PAX7: variants seen among roughly 807,000 people sequenced by gnomAD.
PAX7 encodes the protein paired box protein Pax-7.
Under a neutral mutation model 50.7 loss-of-function variants are expected in PAX7, and 18 were observed. The ratio of observed to expected loss-of-function variants is 0.36; its 90% CI spans 0.25 to 0.53. The LOEUF is 0.53. PAX7 is among the 20% of genes least tolerant of loss of function. PAX7 has a pLI of 0.93. For missense variants in PAX7, 644 were observed against 702.9 expected (o/e 0.92, Z 0.95); for synonymous variants, 310 against 290.4 (o/e 1.07, Z -0.69).
chr1:18,683,262 A>G (rs1167164279), intron 4 of PAX7, among the ~76,000 whole-genome samples: 1 of 152,202 alleles, frequency 6.6e-6, no homozygotes, highest in Non-Finnish European at 1.5e-5. Flanking sequence ...TGTCTCAGCA[A>G]TGAGAATGCA....
chr1:18,647,296 C>A (rs1355102215), intron 4 of PAX7, among the ~76,000 whole-genome samples: 2 of 152,110 alleles, frequency 1.3e-5, no homozygotes, highest in African/African-American at 2.4e-5. Flanking sequence ...AAAGTTGCAG[C>A]CGTTGGACAG....
At chr1:18,718,614 T>G (rs148429899) in intron 7 of PAX7, among the ~76,000 whole-genome samples, 138 of 150,686 alleles carry the variant, frequency 9.2e-4, no homozygotes, top group African/African-American at 3.2e-3. Flanking sequence ...GGGGTCCCTG[T>G]GCACCCCAAT....
Position 18,634,281 on chromosome 1 carries a change from G to A in PAX7, c.86-22G>A, listed in dbSNP as rs1413657824. ...CCTCACCCTGCACCTCTCTCCTTCT[G>A]CATCTCCCCTCCCTTCTCCAGTGTC... On this transcript the variant is annotated intron_variant, in intron 1 of 8. Transcript: ENST00000420770. The surrounding 1 kb of genome is among the most constrained non-coding windows in gnomAD (Gnocchi z 4.0). The A allele has an allele frequency of 6.3e-7, 1 of 1,592,378 alleles. No individual in the cohort carries two copies. The highest frequency in any genetic ancestry group is 1.1e-5 in the South Asian group (1 of 89,782).
chr1:18,650,641 C>T lies in PAX7; in HGVS notation c.586+14270C>T, dbSNP rs1156404591. Among the ~76,000 whole-genome samples the T allele has an allele frequency of 3.3e-5, 5 of 152,294 alleles. No homozygotes were observed. In the East Asian group the frequency reaches 9.7e-4, roughly 29 times the overall value. ...AATCTGTCCCGATCATTCTGATGGC[C>T]TCCCCAGCAAGAGCCACTGGTCTCA... is the stretch of plus-strand genomic sequence containing the variant. On this transcript the variant is annotated intron_variant, in intron 4 of 8. Coordinates refer to ENST00000420770, the MANE Select transcript of PAX7 (RefSeq NM_001135254.2).
chr1:18,703,275 C>T lies in PAX7; in HGVS notation c.1134C>T (p.Val378=), dbSNP rs969526892. The T allele has an allele frequency of 4.1e-5, 66 of 1,614,162 alleles. No individual in the cohort carries two copies. Among genetic ancestry groups the T allele is most frequent in the Non-Finnish European group, 5.4e-5 (64 of 1,180,050 alleles). The change falls in exon 7 of 9, where the codon GTC becomes GTT. Residue 378 remains valine, a synonymous_variant. Transcript: ENST00000420770. The part of the protein sequence containing the change: ...PAAPSNHMNP[V]SNGLSPQVMS... ...CGCCCTCCAACCACATGAACCCGGT[C>T]AGCAACGGCCTGTCTCCTCAGGTAG...
chr1:18,737,863 A>G (rs1449188622), intron 8 of PAX7, among the ~76,000 whole-genome samples: 1 of 152,270 alleles, frequency 6.6e-6, no homozygotes, highest in African/African-American at 2.4e-5. Flanking sequence ...GTAGATAGGT[A>G]TAATGAATAT....
In PAX7 at chr1:18,717,031, C is replaced by T. The variant is rs186754915; in HGVS notation, c.1155+13735C>T. On this transcript the variant is annotated intron_variant, in intron 7 of 8. Coordinates refer to ENST00000420770, the MANE Select transcript of PAX7 (RefSeq NM_001135254.2). ...GGGGATCCGCGCGGCCGCCCCTCCC[C>T]GCGCTCCGCCGCCGCCGCCGTCGCC... 5.6e-3 allele frequency among the ~76,000 whole-genome samples: 849 copies of T among 151,940 alleles called. 19 individuals are homozygous for T. In the East Asian group the frequency reaches 0.065, roughly 12 times the overall value.
At position 18,677,071 on chromosome 1, in the gene PAX7, T is replaced by C. The variant is rs147336569; in HGVS notation, c.587-14683T>C. Among the ~76,000 whole-genome samples the C allele has an allele frequency of 8.2e-4, 125 of 152,308 alleles. 1 individual carries two copies. Among genetic ancestry groups the C allele is most frequent in the African/African-American group, 2.8e-3 (116 of 41,582 alleles). ...AAGGTGAAGAGTCCTCTCATCTAAA[T>C]GGGGCATGCTAGCTGACTGTAGGTG... On this transcript the variant is annotated intron_variant, in intron 4 of 8. Coordinates refer to ENST00000420770, the MANE Select transcript of PAX7 (RefSeq NM_001135254.2).
In PAX7 at chr1:18,634,053, G is replaced by A. The variant is rs1424009613; in HGVS notation, c.86-250G>A. ...CCTCGTAGTGTGGCAGGAGTTGGGGGACACAGCATCTGGGGAGACTCTTGC... is the reference window on the plus strand; with the variant it reads ...CCTCGTAGTGTGGCAGGAGTTGGGGAACACAGCATCTGGGGAGACTCTTGC... On this transcript the variant is annotated intron_variant, in intron 1 of 8. Coordinates refer to ENST00000420770, the MANE Select transcript of PAX7 (RefSeq NM_001135254.2). This position sits in a 1 kb window ranked among gnomAD's most constrained non-coding sequence, Gnocchi z 4.0. Among the ~76,000 whole-genome samples the A allele has an allele frequency of 1.3e-5, 2 of 152,144 alleles. No homozygotes were observed. Among genetic ancestry groups the A allele is most frequent in the Non-Finnish European group, 2.9e-5 (2 of 68,026 alleles).
chr1:18,687,798 A>G (rs1294660110), intron 4 of PAX7, among the ~76,000 whole-genome samples: 1 of 152,018 alleles, frequency 6.6e-6, no homozygotes, highest in Non-Finnish European at 1.5e-5. Flanking sequence ...TTCGGACAAG[A>G]GAGATCTGTG....
At chr1:18,694,509 T>TA (rs892799348) in intron 5 of PAX7, among the ~76,000 whole-genome samples, 1 of 142,780 alleles carries the variant, frequency 7.0e-6, no homozygotes, top group Non-Finnish European at 1.5e-5. Context: ...AATAAATAAA[T>TA]ATAAAATAAA....
intron 7 of PAX7, among the ~76,000 whole-genome samples, chr1:18,704,782 C>T (rs981620143): frequency 6.6e-6 from 1 of 151,910 alleles, no homozygotes; most frequent in African/African-American, 2.4e-5. Flanking sequence ...TTCTGTTTGC[C>T]TCCATTAATT....
chr1:18,716,145 CAGGGGAGTTCTGCTA>C (rs2089417446), intron 7 of PAX7, among the ~76,000 whole-genome samples: 1 of 152,202 alleles, frequency 6.6e-6, no homozygotes, highest in South Asian at 2.1e-4. Context: ...CCTTGGCCAC[CAGGGGAGTTCTGCTA>C]AGGGCAGGGG....
chr1:18,649,387 A>C (rs1374199269), intron 4 of PAX7, among the ~76,000 whole-genome samples: 1 of 152,032 alleles, frequency 6.6e-6, no homozygotes, highest in Non-Finnish European at 1.5e-5. Flanking sequence ...AGGCACAGAG[A>C]GTTGATTAGC....
At chr1:18,691,636 G>A (rs960158401) in intron 4 of PAX7, 118 bp from the exon 5 acceptor site, 4 of 772,880 alleles carry the variant, frequency 5.2e-6, no homozygotes, top group African/African-American at 3.5e-5. Flanking sequence ...GAGTCTGATC[G>A]AAGTGCAGTC....
At chr1:18,631,838 A>G (rs945134145) in intron 1 of PAX7, 150 bp downstream of exon 1, 1 of 688,764 alleles carries the variant, frequency 1.5e-6, no homozygotes, top group African/African-American at 1.8e-5. Context: ...CGCGGAACCC[A>G]GGGAGTTTCT....
At chr1:18,660,459 T>TC in intron 4 of PAX7, among the ~76,000 whole-genome samples, 1 of 152,056 alleles carries the variant, frequency 6.6e-6, no homozygotes, top group East Asian at 1.9e-4. Context: ...GAAACCAAAG[T>TC]GGGGGATGAT....
intron 5 of PAX7, among the ~76,000 whole-genome samples, chr1:18,693,324 G>A (rs574406083): frequency 6.6e-6 from 1 of 152,154 alleles, no homozygotes; most frequent in Non-Finnish European, 1.5e-5. Context: ...TGACCTAGTG[G>A]AAGCTCAGAC....
intron 4 of PAX7, among the ~76,000 whole-genome samples, chr1:18,676,963 A>G (rs1015831957): frequency 8.5e-5 from 13 of 152,202 alleles, no homozygotes; most frequent in African/African-American, 2.9e-4. Context: ...AGGTGAAGTC[A>G]GGGACAAACT....
Sources: allele counts gnomAD v4.1 joint callset (sites outside exome capture counted in the v4.1 genomes callset), GRCh38; gene constraint gnomAD v4.1.1; non-coding constraint Gnocchi (gnomAD v3.1); transcripts MANE v1.5; gene names NCBI Gene and HGNC (gene_info 2026-07-23, HGNC 2026-07-21).